TRPM8: variants seen among roughly 807,000 people sequenced by gnomAD.
TRPM8 encodes TRPM8 cationic channel.
In TRPM8, 110 loss-of-function variants were observed where a neutral mutation model predicts 133.7. That is an observed-to-expected ratio of 0.82 (90% CI 0.70 to 0.96). The LOEUF (loss-of-function observed/expected upper bound fraction) is 0.96, where lower values mean the gene tolerates loss of function less well. Ranked by LOEUF, TRPM8 falls within the 40% of genes least tolerant of loss-of-function variation. TRPM8 has a pLI of 0.00. For synonymous variants in TRPM8, 535 were observed against 532.3 expected (o/e 1.01, Z -0.07); for missense variants, 1,291 against 1,379.5 (o/e 0.94, Z 1.02).
rs199815566 is a variant in TRPM8 at position 233,955,273 on chromosome 2, T to A, written c.1362+23T>A. 1.4e-3 allele frequency: 2,249 copies of A among 1,586,044 alleles called. 6 individuals are homozygous for A. The highest frequency in any genetic ancestry group is 3.0e-3 in the South Asian group (274 of 90,346). ...GAGGTAAGCACGAAGCTCTCCTGGG[T>A]TATTCCAGTGTTGGGTCTGGACAGT... On this transcript the variant is annotated intron_variant, in intron 11 of 25. Coordinates refer to ENST00000324695, the MANE Select transcript of TRPM8 (RefSeq NM_024080.5).
At chr2:233,983,004 C>A in intron 19 of TRPM8, 49 bp from the exon 20 acceptor site, 1 of 1,579,070 alleles carries the variant, frequency 6.3e-7, no homozygotes, top group East Asian at 2.3e-5. Flanking sequence ...GGGGGACTTG[C>A]CAACTGTGGG....
chr2:234,008,161 C>A, intron 24 of TRPM8, 58 bp downstream of exon 24: 1 of 1,510,758 alleles, frequency 6.6e-7, no homozygotes, highest in Non-Finnish European at 8.9e-7. Context: ...ATACTTTGAG[C>A]TTTCAGCTAG....
In TRPM8 at chr2:233,937,606, G is replaced by A. The variant is rs1030367456; in HGVS notation, c.348+97G>A. ...GAATTGTCTAATAGGATGGAGGCAG[G>A]AGAGATGGGTAGTAAACACCAAAAA... On this transcript the variant is annotated intron_variant, in intron 4 of 25. Coordinates refer to ENST00000324695, the MANE Select transcript of TRPM8 (RefSeq NM_024080.5). 7 of 1,390,258 alleles carry A rather than the reference G, an allele frequency of 5.0e-6. No homozygotes were observed. In the South Asian group the frequency reaches 8.3e-5, roughly 16 times the overall value. 86.1% of individuals were successfully genotyped at this position (1,390,258 alleles called of 1,614,324 possible). A position where few individuals can be genotyped will look rare whatever the true frequency, so the allele number is the denominator to read the frequency against.
At chr2:233,987,222 C>G (rs896488473) in intron 21 of TRPM8, among the ~76,000 whole-genome samples, 4 of 152,124 alleles carry the variant, frequency 2.6e-5, no homozygotes, top group African/African-American at 9.7e-5. Context: ...TCTTAAAAGA[C>G]AAAGTTTGAT....
rs768660337 is a variant in TRPM8 at position 233,970,412 on chromosome 2, GA to G, written c.2342del (p.Asp781ValfsTer3). On this transcript the variant is annotated frameshift_variant, in exon 17 of 26. Transcript: ENST00000324695. LOFTEE classifies it high-confidence loss of function. The part of the protein sequence containing the change: ...LYSLVFVLFC[D>X]EVRQWYVNGV... Reference sequence around the variant, plus strand: ...CTCGCTGGTCTTTGTCCTCTTCTGTGATGAAGTGAGACAGGTAGGGCTGCCA... The same window carrying G: ...CTCGCTGGTCTTTGTCCTCTTCTGTGTGAAGTGAGACAGGTAGGGCTGCCA... 6.2e-7 allele frequency: 1 copy of G among 1,613,926 alleles called. No individual in the cohort carries two copies. Among genetic ancestry groups the G allele is most frequent in the Non-Finnish European group, 8.5e-7 (1 of 1,180,014 alleles).
intron 23 of TRPM8, 139 bp downstream of exon 23, chr2:234,007,091 G>A (rs1368833312): frequency 9.8e-6 from 6 of 610,646 alleles, no homozygotes; most frequent in African/African-American, 1.9e-5. Context: ...TATTACCCGG[G>A]CAATTGAAGA....
intron 11 of TRPM8, among the ~76,000 whole-genome samples, chr2:233,957,212 A>T (rs1691313776): frequency 6.6e-6 from 1 of 152,162 alleles, no homozygotes; most frequent in Non-Finnish European, 1.5e-5. Flanking sequence ...TTGGCTGGTC[A>T]TAGAGGCTCA....
intron 24 of TRPM8, among the ~76,000 whole-genome samples, chr2:234,009,045 G>A (rs1692766339): frequency 6.6e-6 from 1 of 152,306 alleles, no homozygotes; most frequent in Non-Finnish European, 1.5e-5. Flanking sequence ...GAAGAAGTGG[G>A]GGAGTCTGGG....
rs1457780492 is a variant in TRPM8 at position 233,980,679 on chromosome 2, T to G, written c.2447+400T>G. ...CTCTGCCCCTGATCATGGGGAGAAA[T>G]AAATAGAAATTGAGAACTTTGATTT... On this transcript the variant is annotated intron_variant, in intron 18 of 25. Coordinates refer to ENST00000324695, the MANE Select transcript of TRPM8 (RefSeq NM_024080.5). Among the ~76,000 whole-genome samples the G allele has an allele frequency of 2.0e-5, 3 of 152,082 alleles. No individual in the cohort carries two copies. In the East Asian group the frequency reaches 5.8e-4, roughly 29 times the overall value.
chr2:234,005,079 A>G (rs1246542828), intron 22 of TRPM8, among the ~76,000 whole-genome samples: 1 of 152,212 alleles, frequency 6.6e-6, no homozygotes, highest in Non-Finnish European at 1.5e-5. Flanking sequence ...TTCTGAGCAC[A>G]TGAATACTTT....
chr2:233,934,871 A>G (rs1477185448), intron 3 of TRPM8, among the ~76,000 whole-genome samples: 1 of 152,266 alleles, frequency 6.6e-6, no homozygotes, highest in African/African-American at 2.4e-5. Context: ...TAGAAAAGTC[A>G]TAGAAATGCA....
chr2:234,007,717 T>C (rs796972563), intron 23 of TRPM8, among the ~76,000 whole-genome samples: 17 of 152,328 alleles, frequency 1.1e-4, no homozygotes, highest in African/African-American at 3.8e-4. Context: ...GAAAGAAGCA[T>C]GGGATGCTCG....
intron 12 of TRPM8, among the ~76,000 whole-genome samples, chr2:233,961,501 T>C (rs1691436495): frequency 6.6e-6 from 1 of 152,178 alleles, no homozygotes; most frequent in Non-Finnish European, 1.5e-5. Flanking sequence ...ATATGGGGTT[T>C]CACCATGTTG....
chr2:233,958,365 G>A lies in TRPM8; in HGVS notation c.1363-2411G>A, dbSNP rs4663344. On this transcript the variant is annotated intron_variant, in intron 11 of 25. Coordinates refer to ENST00000324695, the MANE Select transcript of TRPM8 (RefSeq NM_024080.5). ...GGTTGAGAGCAAAGATGTGACTGAC[G>A]GCAAAGCCTCTTCTCATATGCTGGT... Among the ~76,000 whole-genome samples the A allele has an allele frequency of 9.2e-5, 14 of 152,174 alleles. No homozygotes were observed. The East Asian group carries it at 1.4e-3, about 15-fold the overall frequency.
At chr2:233,953,083 C>A (rs960152389) in intron 9 of TRPM8, among the ~76,000 whole-genome samples, 1 of 152,174 alleles carries the variant, frequency 6.6e-6, no homozygotes, top group African/African-American at 2.4e-5. Context: ...ATTTCCTCAT[C>A]ACCTACCTGG....
intron 24 of TRPM8, chr2:234,013,091 T>A (rs1181480286): frequency 6.6e-6 from 1 of 152,166 alleles, no homozygotes; most frequent in African/African-American, 2.4e-5. Context: ...TTTCTTTTCT[T>A]GTGTTATCTT....
rs1234762383 is a variant in TRPM8, at chr2:233,960,987, G to C, written c.1574G>C (p.Trp525Ser). 3 of 1,614,136 alleles carry C rather than the reference G, an allele frequency of 1.9e-6. No individual in the cohort carries two copies. Among genetic ancestry groups the C allele is most frequent in the Non-Finnish European group, 2.5e-6 (3 of 1,180,036 alleles). ...SYNDALLTFV[W>S]KLVANFRRGF... is the part of the protein sequence containing the mutation. ...AATGATGCCCTCCTCACGTTTGTCT[G>C]GAAACTGGTTGCGAACTTCCGAAGA... is the stretch of plus-strand genomic sequence containing the variant. Residue 525 changes from tryptophan to serine, a missense_variant, in exon 12 of 26, where the codon TGG (tryptophan) becomes TCG (serine). Around this residue, in one of 2 missense-constraint regions of TRPM8, gnomAD observed 963 missense variants for 968.9 expected, o/e 0.99. Coordinates refer to ENST00000324695, the MANE Select transcript of TRPM8 (RefSeq NM_024080.5).
chr2:233,966,619 C>T lies in TRPM8; in HGVS notation c.1889C>T (p.Thr630Ile), dbSNP rs750147807. 6 of 1,614,134 alleles carry T rather than the reference C, an allele frequency of 3.7e-6. No individual in the cohort carries two copies. The highest frequency in any genetic ancestry group is 1.1e-5 in the South Asian group (1 of 91,082). Residue 630 changes from threonine to isoleucine, a missense_variant, in exon 15 of 26, where the codon ACT becomes ATT. This residue lies in a region of TRPM8 where 963 missense variants were observed against 968.9 expected (regional missense o/e 0.99). Coordinates refer to ENST00000324695, the MANE Select transcript of TRPM8 (RefSeq NM_024080.5). ...GCTGATGTCGCTGTAGAGCTGTTCACTGAGTGTTACAGCAGCGATGAAGAC... is the reference window on the plus strand; with the variant it reads ...GCTGATGTCGCTGTAGAGCTGTTCATTGAGTGTTACAGCAGCGATGAAGAC... ...EYETRAVELF[T>I]ECYSSDEDLA...
intron 2 of TRPM8, among the ~76,000 whole-genome samples, chr2:233,928,268 C>A (rs972007636): frequency 6.6e-6 from 1 of 152,054 alleles, no homozygotes; most frequent in Non-Finnish European, 1.5e-5. Flanking sequence ...TGCGCCTGGC[C>A]GAGGCTGACT....
Sources: gnomAD v4.1 joint callset for allele counts (sites outside exome capture counted in the v4.1 genomes callset) on GRCh38, gnomAD v4.1.1 for gene constraint, gnomAD v4.1.1 regional missense constraint, MANE v1.5 for transcripts, NCBI Gene and HGNC (gene_info 2026-07-23, HGNC 2026-07-21) for gene names.